Variants in NFKB1 observed in about 807,000 individuals in gnomAD.
The protein encoded by NFKB1 is nuclear factor NF-kappa-B p105 subunit.
In NFKB1, 9 loss-of-function variants were observed where a neutral mutation model predicts 105.1. That is an observed-to-expected ratio of 0.09 (90% CI 0.05 to 0.15). NFKB1 has a LOEUF of 0.15. NFKB1 is among the 10% of genes least tolerant of loss of function. NFKB1 has a pLI of 1.00. For missense variants in NFKB1, 830 were observed against 1,203.7 expected, an observed-to-expected ratio of 0.69 and a Z score of 4.59; for synonymous variants, 440 against 442.2, an observed-to-expected ratio of 1.00 and a Z score of 0.06.
At chr4:102,588,460 A>T (rs974053854) in intron 11 of NFKB1, among the ~76,000 whole-genome samples, 9 of 152,274 alleles carry the variant, frequency 5.9e-5, no homozygotes, top group South Asian at 4.1e-4. Flanking sequence ...AAAATAAAAA[A>T]AAAATAAAAG....
intron 5 of NFKB1, among the ~76,000 whole-genome samples, chr4:102,551,366 G>GCA (rs1553931271): frequency 4.6e-5 from 2 of 43,284 alleles, no homozygotes; most frequent in African/African-American, 1.8e-4. Flanking sequence ...GTGTGTGTGT[G>GCA]TGCGCGCGCG....
chr4:102,610,424 A>G, intron 19 of NFKB1, 151 bp from the exon 20 acceptor site: 1 of 707,078 alleles, frequency 1.4e-6, no homozygotes, highest in Non-Finnish European at 2.2e-6. Context: ...TTCTCTGGAT[A>G]TTCCAGTAGA....
chr4:102,535,961 C>T (rs755632976), intron 4 of NFKB1, among the ~76,000 whole-genome samples: 1 of 151,274 alleles, frequency 6.6e-6, no homozygotes, highest in Non-Finnish European at 1.5e-5. Flanking sequence ...ACAGATTTTC[C>T]CCAGCTCTGA....
At position 102,560,901 on chromosome 4, in the gene NFKB1, C is replaced by T. The variant is rs150493436; in HGVS notation, c.259-6086C>T. Reference sequence around the variant, plus strand: ...TGTACCAGGGACTGCGTAGTCCCCACGGCAGCCCTCTGAAGTCATGTGATT... The same window carrying T: ...TGTACCAGGGACTGCGTAGTCCCCATGGCAGCCCTCTGAAGTCATGTGATT... On this transcript the variant is annotated intron_variant, in intron 5 of 23. Coordinates refer to ENST00000226574, the MANE Select transcript of NFKB1 (RefSeq NM_003998.4). 3.8e-3 allele frequency among the ~76,000 whole-genome samples: 574 copies of T among 152,242 alleles called. 2 individuals carry two copies. The highest frequency in any genetic ancestry group is 5.9e-3 in the Non-Finnish European group (400 of 68,018).
chr4:102,525,603 A>G, intron 2 of NFKB1, 46 bp downstream of exon 2: 1 of 1,520,916 alleles, frequency 6.6e-7, no homozygotes, highest in South Asian at 1.2e-5. Context: ...ATATATTCAT[A>G]TTTCAAAAAT....
intron 5 of NFKB1, among the ~76,000 whole-genome samples, chr4:102,543,925 G>C (rs1721924751): frequency 6.6e-6 from 1 of 152,108 alleles, no homozygotes; most frequent in African/African-American, 2.4e-5. Flanking sequence ...CCCCTAAGCT[G>C]TTCACTGCGC....
intron 21 of NFKB1, 31 bp downstream of exon 21, chr4:102,612,141 C>T (rs1728480658): frequency 6.4e-6 from 10 of 1,558,376 alleles, no homozygotes; most frequent in South Asian, 1.1e-5. Context: ...ATTCTCTTAA[C>T]CATTATTATC....
chr4:102,597,216 T>C (rs1195080310), intron 14 of NFKB1, among the ~76,000 whole-genome samples: 1 of 152,246 alleles, frequency 6.6e-6, no homozygotes, highest in African/African-American at 2.4e-5. Context: ...GTTTGGAGAT[T>C]GTTTTCCTTA....
At chr4:102,592,485 A>G (rs1399293688) in intron 11 of NFKB1, among the ~76,000 whole-genome samples, 1 of 152,238 alleles carries the variant, frequency 6.6e-6, no homozygotes, top group African/African-American at 2.4e-5. Context: ...ACCTTCCACC[A>G]GTACAAAGAT....
At chr4:102,591,160 T>G (rs192799655) in intron 11 of NFKB1, among the ~76,000 whole-genome samples, 2 of 152,272 alleles carry the variant, frequency 1.3e-5, no homozygotes, top group Admixed American at 1.3e-4. Flanking sequence ...GAGATCTAGT[T>G]CAGAAAATTG....
At chr4:102,596,922 C>CT (rs201829788) in intron 14 of NFKB1, among the ~76,000 whole-genome samples, 39 of 150,382 alleles carry the variant, frequency 2.6e-4, no homozygotes, top group East Asian at 2.3e-3. Context: ...ATCACATATG[C>CT]TTTTTTTTTA....
intron 15 of NFKB1, among the ~76,000 whole-genome samples, chr4:102,598,698 GA>G (rs769644332): frequency 4.7e-4 from 72 of 152,214 alleles, no homozygotes; most frequent in Non-Finnish European, 8.2e-4. Flanking sequence ...ACAACCACAA[GA>G]AAAAGCAGTT....
At chr4:102,562,960 A>G (rs1723562014) in intron 5 of NFKB1, among the ~76,000 whole-genome samples, 1 of 152,192 alleles carries the variant, frequency 6.6e-6, no homozygotes, top group Non-Finnish European at 1.5e-5. Context: ...ATCACCTCTT[A>G]CATTCATGTT....
At chr4:102,548,846 G>A (rs1390346113) in intron 5 of NFKB1, among the ~76,000 whole-genome samples, 2 of 152,022 alleles carry the variant, frequency 1.3e-5, no homozygotes, top group Admixed American at 6.6e-5. Context: ...CTTTCTCTTA[G>A]AGACCTGTCA....
intron 23 of NFKB1, 148 bp from the exon 24 acceptor site, chr4:102,616,286 A>T: frequency 1.3e-6 from 1 of 791,108 alleles, no homozygotes; most frequent in Non-Finnish European, 2.0e-6. Context: ...TGCCCTTCCC[A>T]CCACGGTGAG....
chr4:102,520,755 A>G (rs1740523255), intron 1 of NFKB1, among the ~76,000 whole-genome samples: 1 of 152,004 alleles, frequency 6.6e-6, no homozygotes, highest in Non-Finnish European at 1.5e-5. Context: ...AAAGTTGTCA[A>G]TCAACAGCTC....
intron 12 of NFKB1, 61 bp downstream of exon 12, chr4:102,593,629 T>C (rs1726362597): frequency 6.6e-7 from 1 of 1,525,520 alleles, no homozygotes; most frequent in African/African-American, 1.4e-5. Flanking sequence ...AATTTTCTTT[T>C]CTTTGGTTTC....
chr4:102,555,209 G>T (rs961275937), intron 5 of NFKB1, among the ~76,000 whole-genome samples: 1 of 152,154 alleles, frequency 6.6e-6, no homozygotes, highest in Non-Finnish European at 1.5e-5. Context: ...TCAACAGCTG[G>T]ATAGCCTGTT....
intron 15 of NFKB1, among the ~76,000 whole-genome samples, chr4:102,598,357 G>C (rs139076162): frequency 6.6e-6 from 1 of 152,160 alleles, no homozygotes; most frequent in African/African-American, 2.4e-5. Context: ...ACAAGAGACA[G>C]CAGCCTTCAC....
Sources: gnomAD v4.1 joint callset for allele counts (sites outside exome capture counted in the v4.1 genomes callset) on GRCh38, gnomAD v4.1.1 for gene constraint, MANE v1.5 for transcripts, NCBI Gene and HGNC (gene_info 2026-07-23, HGNC 2026-07-21) for gene names.